Variants in COP1 observed in about 807,000 individuals in gnomAD.
The protein encoded by COP1 is E3 ubiquitin-protein ligase COP1.
Under a neutral mutation model 101.3 loss-of-function variants are expected in COP1, and 24 were observed. That is an observed-to-expected ratio of 0.24 (90% CI 0.17 to 0.33). COP1 has a LOEUF of 0.33. Among genes scored for constraint, COP1 ranks in the 10% least tolerant of loss-of-function variants. The pLI is 1.00. For synonymous variants in COP1, 347 were observed against 341.9 expected (o/e 1.01, Z -0.17); for missense variants, 663 against 906.2 (o/e 0.73, Z 3.45).
intron 18 of COP1, among the ~76,000 whole-genome samples, chr1:175,972,011 T>C (rs1198284502): frequency 6.6e-6 from 1 of 152,100 alleles, no homozygotes; most frequent in Non-Finnish European, 1.5e-5. Context: ...CTTCTAAATT[T>C]CCACCGGTGG....
At chr1:176,168,702 G>A (rs765356371) in intron 3 of COP1, 2 of 334,674 alleles carry the variant, frequency 6.0e-6, no homozygotes, top group East Asian at 1.2e-4. Flanking sequence ...GGGAAAGAGA[G>A]CATTCAAAAC....
At chr1:176,017,517 T>C (rs1203012597) in intron 15 of COP1, 3 of 152,096 alleles carry the variant, frequency 2.0e-5, no homozygotes, top group African/African-American at 7.2e-5. Context: ...ACAGATATCA[T>C]TACTTTTATT....
At chr1:176,097,908 AG>A (rs1238583882) in intron 9 of COP1, among the ~76,000 whole-genome samples, 1 of 151,782 alleles carries the variant, frequency 6.6e-6, no homozygotes, top group African/African-American at 2.4e-5. Context: ...ATTGGCCTAA[AG>A]GAAGATAAAC....
intron 15 of COP1, among the ~76,000 whole-genome samples, chr1:175,997,409 A>G (rs1414095585): frequency 1.3e-5 from 2 of 151,974 alleles, no homozygotes; most frequent in Non-Finnish European, 2.9e-5. Flanking sequence ...GGATCTAATT[A>G]AACTAAAGAG....
At chr1:176,186,640 G>C (rs1466188469) in intron 1 of COP1, among the ~76,000 whole-genome samples, 1 of 152,168 alleles carries the variant, frequency 6.6e-6, no homozygotes, top group East Asian at 1.9e-4. Flanking sequence ...TGGTGGATTT[G>C]GAAAAGAGGA....
intron 15 of COP1, among the ~76,000 whole-genome samples, chr1:176,000,717 C>T (rs1451257114): frequency 6.6e-6 from 1 of 151,698 alleles, no homozygotes; most frequent in African/African-American, 2.4e-5. Flanking sequence ...AGAATTTTTA[C>T]ATGCAATGTT....
At chr1:176,037,490 T>G (rs1669775883) in intron 14 of COP1, among the ~76,000 whole-genome samples, 1 of 145,766 alleles carries the variant, frequency 6.9e-6, no homozygotes, top group Admixed American at 6.8e-5. Flanking sequence ...TACCCTGATA[T>G]CAAAGTCACG....
intron 6 of COP1, among the ~76,000 whole-genome samples, chr1:176,138,127 G>A (rs998291582): frequency 2.0e-5 from 3 of 152,036 alleles, no homozygotes; most frequent in Non-Finnish European, 4.4e-5. Flanking sequence ...TCTGCCAAGT[G>A]GAAAACAGTG....
intron 1 of COP1, among the ~76,000 whole-genome samples, chr1:176,204,213 T>C (rs1009593671): frequency 2.0e-5 from 3 of 152,166 alleles, no homozygotes; most frequent in Non-Finnish European, 4.4e-5. Context: ...TCTCTGTGCC[T>C]CAATGAGAAA....
At chr1:176,003,992 G>C (rs531507414) in intron 15 of COP1, among the ~76,000 whole-genome samples, 12 of 149,926 alleles carry the variant, frequency 8.0e-5, no homozygotes, top group Middle Eastern at 3.4e-3. Flanking sequence ...AGCATGGAAT[G>C]TTCTTCCATT....
intron 11 of COP1, among the ~76,000 whole-genome samples, chr1:176,064,533 A>C (rs1675563659): frequency 6.6e-6 from 1 of 152,182 alleles, no homozygotes; most frequent in Non-Finnish European, 1.5e-5. Flanking sequence ...ACCACACTCT[A>C]ATACACCTCA....
At chr1:176,008,236 C>T (rs949879617) in intron 15 of COP1, among the ~76,000 whole-genome samples, 4 of 152,212 alleles carry the variant, frequency 2.6e-5, no homozygotes, top group African/African-American at 9.6e-5. Context: ...GATCTGCACC[C>T]ACTGTCTGGC....
At chr1:176,205,114 A>T (rs937303775) in intron 1 of COP1, among the ~76,000 whole-genome samples, 1 of 152,180 alleles carries the variant, frequency 6.6e-6, no homozygotes, top group Non-Finnish European at 1.5e-5. Flanking sequence ...ACGGAGGCTA[A>T]CATGTTTGTG....
chr1:176,114,488 A>AT (rs1558136885), intron 9 of COP1, among the ~76,000 whole-genome samples: 1 of 151,774 alleles, frequency 6.6e-6, no homozygotes, highest in Non-Finnish European at 1.5e-5. Flanking sequence ...TAGGTGTACT[A>AT]TTTTTTCAAA....
intron 11 of COP1, among the ~76,000 whole-genome samples, chr1:176,068,288 C>A (rs951329412): frequency 6.6e-6 from 1 of 152,150 alleles, no homozygotes; most frequent in South Asian, 2.1e-4. Context: ...AAGCTCTTAA[C>A]CTAAGACAAT....
chr1:176,180,069 G>C (rs1481857872), intron 2 of COP1, among the ~76,000 whole-genome samples: 1 of 152,118 alleles, frequency 6.6e-6, no homozygotes, highest in Non-Finnish European at 1.5e-5. Context: ...CCCCAAAAGA[G>C]ACCTGCCTTA....
intron 1 of COP1, among the ~76,000 whole-genome samples, chr1:176,203,733 TAA>T (rs1700535560): frequency 6.6e-6 from 1 of 152,178 alleles, no homozygotes; most frequent in African/African-American, 2.4e-5. Context: ...TTGTGTAAAA[TAA>T]AATATAAAAA....
At chr1:176,038,102 G>A (rs1669891697) in intron 14 of COP1, among the ~76,000 whole-genome samples, 1 of 152,178 alleles carries the variant, frequency 6.6e-6, no homozygotes, top group African/African-American at 2.4e-5. Flanking sequence ...TTGGCACAAT[G>A]TTTATATTTT....
chr1:176,099,177 T>G (rs1217224551), intron 9 of COP1, among the ~76,000 whole-genome samples: 1 of 152,140 alleles, frequency 6.6e-6, no homozygotes, highest in Non-Finnish European at 1.5e-5. Flanking sequence ...TTGATCCTTT[T>G]CAAAAAATGG....
Sources: gnomAD v4.1 joint callset for allele counts (sites outside exome capture counted in the v4.1 genomes callset) on GRCh38, gnomAD v4.1.1 for gene constraint, MANE v1.5 for transcripts, NCBI Gene and HGNC (gene_info 2026-07-23, HGNC 2026-07-21) for gene names.